Variants in EPB41L5 observed in about 807,000 individuals in gnomAD.
EPB41L5 encodes the protein erythrocyte membrane protein band 4.1 like 5.
EPB41L5 carries 55 observed loss-of-function variants against 106.6 expected under a neutral mutation model. The observed-to-expected ratio is 0.52, with a 90% CI of 0.42 to 0.65. EPB41L5 has a LOEUF of 0.65. Ranked by LOEUF, EPB41L5 falls within the 30% of genes least tolerant of loss-of-function variation. The pLI is 0.00. For missense variants in EPB41L5, 871 were observed against 882.1 expected (o/e 0.99, Z 0.16); for synonymous variants, 297 against 306.7 (o/e 0.97, Z 0.33).
chr2:120,037,936 C>T (rs1268104328), intron 2 of EPB41L5, among the ~76,000 whole-genome samples: 1 of 152,060 alleles, frequency 6.6e-6, no homozygotes, highest in Non-Finnish European at 1.5e-5. Context: ...CTATAAAATT[C>T]ATAGAAGAAA....
At chr2:120,106,997 C>CTTT (rs1047425017) in intron 16 of EPB41L5, 5 of 685,616 alleles carry the variant, frequency 7.3e-6, no homozygotes, top group Non-Finnish European at 7.1e-6. Context: ...TTCAAATCAT[C>CTTT]TTTTTTTTTT....
chr2:120,078,820 T>C lies in EPB41L5; in HGVS notation c.803+239T>C, dbSNP rs111236821. On this transcript the variant is annotated intron_variant, in intron 10 of 24. Coordinates refer to ENST00000263713, the MANE Select transcript of EPB41L5 (RefSeq NM_020909.4). ...GTATACCACAATCTATATCTTGATA[T>C]AAATATTTATATTTTTATATGTATC... Among the ~76,000 whole-genome samples, 287 of 152,312 alleles carry C rather than the reference T, an allele frequency of 1.9e-3. 1 individual carries two copies. The highest frequency in any genetic ancestry group is 6.5e-3 in the African/African-American group (271 of 41,566).
chr2:120,016,969 G>C (rs1394573065), intron 1 of EPB41L5, among the ~76,000 whole-genome samples: 1 of 152,142 alleles, frequency 6.6e-6, no homozygotes, highest in African/African-American at 2.4e-5. Flanking sequence ...TATTTCCTTG[G>C]GATTAGTTTA....
intron 1 of EPB41L5, among the ~76,000 whole-genome samples, chr2:120,017,960 C>T (rs952489998): frequency 2.3e-5 from 3 of 128,826 alleles, no homozygotes; most frequent in Non-Finnish European, 3.4e-5. Context: ...CCACACCCGG[C>T]CAATTTTTTT....
chr2:120,173,085 A>T (rs1222652338), intron 24 of EPB41L5, among the ~76,000 whole-genome samples: 1 of 152,176 alleles, frequency 6.6e-6, no homozygotes, highest in Non-Finnish European at 1.5e-5. Flanking sequence ...CAACAAACCC[A>T]CTAAGCCATC....
chr2:120,014,157 A>G (rs1677347474), intron 1 of EPB41L5, among the ~76,000 whole-genome samples: 1 of 152,254 alleles, frequency 6.6e-6, no homozygotes, highest in Non-Finnish European at 1.5e-5. Flanking sequence ...TGCTTTATCA[A>G]AAAGCAATTA....
intron 24 of EPB41L5, among the ~76,000 whole-genome samples, chr2:120,174,313 C>T (rs1574808742): frequency 6.6e-6 from 1 of 152,118 alleles, no homozygotes; most frequent in South Asian, 2.1e-4. Flanking sequence ...AAAAATTAGC[C>T]AGGCATGTTG....
At position 120,043,792 on chromosome 2, in the gene EPB41L5, T is replaced by C. The variant is rs78990857; in HGVS notation, c.285+1682T>C. 5.1e-3 allele frequency among the ~76,000 whole-genome samples: 783 copies of C among 152,200 alleles called. 4 individuals are homozygous for C. The highest frequency in any genetic ancestry group is 0.018 in the African/African-American group (754 of 41,520). The stretch of plus-strand genomic sequence containing the variant: ...TTAAGTATTAATATGCTAATTGATA[T>C]GGAGTGGTAGAAGTAGTCATAAAGG... On this transcript the variant is annotated intron_variant, in intron 3 of 24. Coordinates refer to ENST00000263713, the MANE Select transcript of EPB41L5 (RefSeq NM_020909.4).
chr2:120,128,884 C>T (rs1685571767), intron 17 of EPB41L5, among the ~76,000 whole-genome samples: 1 of 152,112 alleles, frequency 6.6e-6, no homozygotes, highest in East Asian at 1.9e-4. Flanking sequence ...TGTACTTTCT[C>T]TGTAGTAATT....
Position 120,119,919 on chromosome 2 carries a change from A to G in EPB41L5, c.1338-7769A>G, listed in dbSNP as rs899231192. Among the ~76,000 whole-genome samples, 29 of 152,326 alleles carry G rather than the reference A, an allele frequency of 1.9e-4. 1 individual carries two copies. The highest frequency in any genetic ancestry group is 7.0e-4 in the African/African-American group (29 of 41,570). On this transcript the variant is annotated intron_variant, in intron 16 of 24. Coordinates refer to ENST00000263713, the MANE Select transcript of EPB41L5 (RefSeq NM_020909.4). ...ATAAATTATATTAAGCTCAAAGACAATAAAAAGCTAAGAAAACTCAGTAGA... is the reference window on the plus strand; with the variant it reads ...ATAAATTATATTAAGCTCAAAGACAGTAAAAAGCTAAGAAAACTCAGTAGA...
intron 16 of EPB41L5, among the ~76,000 whole-genome samples, chr2:120,118,144 T>G (rs1195764617): frequency 1.3e-5 from 2 of 152,180 alleles, no homozygotes; most frequent in African/African-American, 4.8e-5. Context: ...GTTAATTTTC[T>G]TACATTTGAA....
rs977949731 is a variant in EPB41L5 at position 120,080,791 on chromosome 2, A to T, written c.803+2210A>T. Among the ~76,000 whole-genome samples, 41 of 152,146 alleles carry T rather than the reference A, an allele frequency of 2.7e-4. 1 individual carries two copies. The highest frequency in any genetic ancestry group is 8.0e-4 in the African/African-American group (33 of 41,430). On this transcript the variant is annotated intron_variant, in intron 10 of 24. Coordinates refer to ENST00000263713, the MANE Select transcript of EPB41L5 (RefSeq NM_020909.4). ...CCTTCTGTTTCCTGACTTTTTAATG[A>T]TGGCCATTCTAACTGGTGTGAGATG... is the stretch of plus-strand genomic sequence containing the variant.
intron 5 of EPB41L5, 119 bp downstream of exon 5, chr2:120,074,297 A>C: frequency 3.1e-6 from 2 of 650,340 alleles, no homozygotes; most frequent in Non-Finnish European, 5.2e-6. Flanking sequence ...TGGTAACAAG[A>C]CCTCAAATAA....
At chr2:120,041,899 A>C in intron 2 of EPB41L5, 107 bp from the exon 3 acceptor site, 1 of 696,658 alleles carries the variant, frequency 1.4e-6, no homozygotes, top group Non-Finnish European at 2.4e-6. Context: ...TTGGTATTGC[A>C]AGTCCTCCTT....
intron 2 of EPB41L5, among the ~76,000 whole-genome samples, chr2:120,020,190 T>G (rs1677826734): frequency 6.6e-6 from 1 of 152,174 alleles, no homozygotes; most frequent in African/African-American, 2.4e-5. Flanking sequence ...CCCCACAGAC[T>G]TTTTAGTACA....
intron 1 of EPB41L5, among the ~76,000 whole-genome samples, chr2:120,018,115 C>T (rs1355965797): frequency 1.3e-5 from 2 of 152,072 alleles, no homozygotes; most frequent in African/African-American, 2.4e-5. Flanking sequence ...CGCCTGCTAC[C>T]ACGCCCGGCT....
At chr2:120,170,107 A>C (rs1208306377) in intron 24 of EPB41L5, among the ~76,000 whole-genome samples, 1 of 152,264 alleles carries the variant, frequency 6.6e-6, no homozygotes, top group Non-Finnish European at 1.5e-5. Context: ...TAATAGTCCA[A>C]ACTGAAAACC....
chr2:120,094,805 A>G lies in EPB41L5; in HGVS notation c.1178+1529A>G, dbSNP rs766013378. On this transcript the variant is annotated intron_variant, in intron 14 of 24. Transcript: ENST00000263713. ...TTTCTAACTTGTGATTTCTTCTTTG[A>G]CTTGTTTGATTACTTAGGAGTGTGT... 1.1e-3 allele frequency among the ~76,000 whole-genome samples: 162 copies of G among 151,622 alleles called. 2 individuals carry two copies. Among genetic ancestry groups the G allele is most frequent in the Non-Finnish European group, 6.3e-4 (43 of 67,860 alleles).
At chr2:120,132,016 GC>G (rs1490073293) in intron 18 of EPB41L5, among the ~76,000 whole-genome samples, 1 of 152,086 alleles carries the variant, frequency 6.6e-6, no homozygotes, top group Non-Finnish European at 1.5e-5. Flanking sequence ...ACTTGCTGAA[GC>G]CTTTTGAAAT....
Sources: allele counts gnomAD v4.1 joint callset (sites outside exome capture counted in the v4.1 genomes callset), GRCh38; gene constraint gnomAD v4.1.1; transcripts MANE v1.5; gene names NCBI Gene and HGNC (gene_info 2026-07-23, HGNC 2026-07-21).